The following NT5C2 variants were observed in gnomAD, a reference collection of about 807,000 sequenced individuals.
The protein encoded by NT5C2 is 5'-nucleotidase, cytosolic II, also known as cytosolic purine 5'-nucleotidase.
Under a neutral mutation model 76.1 loss-of-function variants are expected in NT5C2, and 58 were observed. That is an observed-to-expected ratio of 0.76 (90% CI 0.62 to 0.95). The LOEUF is 0.95. NT5C2 is among the 40% of genes least tolerant of loss of function. The pLI is 0.00. For synonymous variants in NT5C2, 229 were observed against 237.4 expected (o/e 0.96, Z 0.32); for missense variants, 478 against 690.3 (o/e 0.69, Z 3.45).
At chr10:103,145,803 A>G (rs568635239) in intron 3 of NT5C2, among the ~76,000 whole-genome samples, 2 of 152,322 alleles carry the variant, frequency 1.3e-5, no homozygotes, top group Admixed American at 1.3e-4. Flanking sequence ...AGACAAATGT[A>G]ACAGCTTTTA....
At chr10:103,112,927 A>G (rs2182348) in intron 4 of NT5C2, among the ~76,000 whole-genome samples, 47,955 of 152,086 alleles carry the variant, frequency 0.32, 7,650 homozygotes, top group Middle Eastern at 0.36. Flanking sequence ...ATTATCATAT[A>G]AACAAATGCC....
intron 3 of NT5C2, among the ~76,000 whole-genome samples, chr10:103,170,268 C>T (rs1349259058): frequency 2.0e-5 from 3 of 152,182 alleles, no homozygotes; most frequent in East Asian, 1.9e-4. Flanking sequence ...TATGATCACA[C>T]TACTGCACTG....
chr10:103,124,211 ATTTTT>A (rs5787481), intron 4 of NT5C2, among the ~76,000 whole-genome samples: 1 of 149,018 alleles, frequency 6.7e-6, no homozygotes, highest in Non-Finnish European at 1.5e-5. Flanking sequence ...GTCATAAAGA[ATTTTT>A]TTTTTTTTAA....
intron 4 of NT5C2, among the ~76,000 whole-genome samples, chr10:103,126,061 G>A (rs78765434): frequency 0.014 from 2,193 of 152,244 alleles, 55 homozygotes; most frequent in African/African-American, 0.049. Flanking sequence ...AAAAGACTGT[G>A]TGCTCAGATA....
chr10:103,106,477 T>C, intron 5 of NT5C2, 112 bp downstream of exon 5: 2 of 707,410 alleles, frequency 2.8e-6, no homozygotes, highest in South Asian at 1.8e-5. Context: ...CAAAGAATTA[T>C]TCAATGTTTT....
intron 14 of NT5C2, 69 bp downstream of exon 14, chr10:103,093,903 A>C: frequency 8.3e-7 from 1 of 1,200,380 alleles, no homozygotes; most frequent in Non-Finnish European, 1.2e-6. Flanking sequence ...CACTTTGCTG[A>C]GAGATTACCA....
intron 4 of NT5C2, among the ~76,000 whole-genome samples, chr10:103,120,878 A>G (rs2075520358): frequency 6.6e-6 from 1 of 152,238 alleles, no homozygotes; most frequent in South Asian, 2.1e-4. Context: ...CATAATAGCC[A>G]AAAGGTGGAG....
chr10:103,170,478 T>C (rs1361854261), intron 3 of NT5C2, among the ~76,000 whole-genome samples: 3 of 151,424 alleles, frequency 2.0e-5, no homozygotes, highest in Non-Finnish European at 4.4e-5. Flanking sequence ...GTTAGGAGTA[T>C]ACTCATTCAG....
At chr10:103,115,127 G>A (rs776526878) in intron 4 of NT5C2, among the ~76,000 whole-genome samples, 9 of 152,154 alleles carry the variant, frequency 5.9e-5, no homozygotes, top group Non-Finnish European at 7.4e-5. Flanking sequence ...TTGGCTGGGC[G>A]CGGTGGCTCA....
intron 3 of NT5C2, among the ~76,000 whole-genome samples, chr10:103,150,425 G>C (rs528482099): frequency 4.6e-5 from 7 of 152,096 alleles, no homozygotes; most frequent in Non-Finnish European, 1.0e-4. Context: ...TATCCATTCA[G>C]TTAATGGACA....
At chr10:103,158,028 G>GT (rs2083833964) in intron 3 of NT5C2, among the ~76,000 whole-genome samples, 1 of 151,486 alleles carries the variant, frequency 6.6e-6, no homozygotes, top group African/African-American at 2.4e-5. Context: ...AGCCAGGATC[G>GT]TGCCACTGCA....
intron 4 of NT5C2, among the ~76,000 whole-genome samples, chr10:103,127,489 A>G (rs1416213419): frequency 6.6e-6 from 1 of 152,234 alleles, no homozygotes. Flanking sequence ...AAGATAATGA[A>G]GCTCCCATCA....
At chr10:103,105,450 G>A in intron 6 of NT5C2, 1 of 651,756 alleles carries the variant, frequency 1.5e-6, no homozygotes, top group Non-Finnish European at 2.3e-6. Flanking sequence ...AGTTCTTCTG[G>A]GCAAGTTTTA....
rs957868091 is a variant in NT5C2, at chr10:103,089,533, A to C, written c.*139T>G. 5 of 1,398,728 alleles carry C rather than the reference A, an allele frequency of 3.6e-6. No individual in the cohort carries two copies. The African/African-American group carries it at 7.3e-5, about 20-fold the overall frequency. The allele number at this position is 1,398,728 out of a possible 1,614,324, so 86.6% of individuals were successfully genotyped here. ...CCAAAACAAGTATCTATGATAATAA[A>C]ATCTTCAGAAACTTTTCAGACGTAC... On this transcript the variant is annotated 3_prime_UTR_variant, in exon 19 of 19. Transcript: ENST00000404739.
chr10:103,097,946 C>G, intron 10 of NT5C2: 1 of 477,334 alleles, frequency 2.1e-6, no homozygotes, highest in Non-Finnish European at 4.1e-6. Flanking sequence ...TAGATTCCTT[C>G]ACTCAAATTC....
chr10:103,157,520 T>C (rs931721489), intron 3 of NT5C2, among the ~76,000 whole-genome samples: 12 of 152,190 alleles, frequency 7.9e-5, no homozygotes, highest in African/African-American at 2.9e-4. Context: ...GCATTAGATG[T>C]AATGGTGTGA....
intron 4 of NT5C2, among the ~76,000 whole-genome samples, chr10:103,124,076 C>T (rs540059441): frequency 6.6e-6 from 1 of 152,272 alleles, no homozygotes; most frequent in East Asian, 1.9e-4. Context: ...TTTGTGTTAA[C>T]TTCATGAAAT....
intron 4 of NT5C2, among the ~76,000 whole-genome samples, chr10:103,132,722 G>A (rs540218515): frequency 6.6e-6 from 1 of 151,986 alleles, no homozygotes; most frequent in East Asian, 1.9e-4. Flanking sequence ...GCTAATTTTT[G>A]TATTTTTTTA....
chr10:103,121,159 G>A (rs917915512), intron 4 of NT5C2, among the ~76,000 whole-genome samples: 2 of 152,154 alleles, frequency 1.3e-5, no homozygotes, highest in African/African-American at 4.8e-5. Flanking sequence ...AATGGGTATG[G>A]AGTTTCTGTT....
Sources: allele counts gnomAD v4.1 joint callset (sites outside exome capture counted in the v4.1 genomes callset), GRCh38; gene constraint gnomAD v4.1.1; transcripts MANE v1.5; gene names NCBI Gene and HGNC (gene_info 2026-07-23, HGNC 2026-07-21).